The following PTPRN2 variants were observed in gnomAD, a reference collection of about 807,000 sequenced individuals.
PTPRN2 encodes protein tyrosine phosphatase receptor type N2.
In PTPRN2, 74 loss-of-function variants were observed where a neutral mutation model predicts 118.8. That is an observed-to-expected ratio of 0.62 (90% CI 0.52 to 0.76). The LOEUF is 0.76. PTPRN2 is among the 30% of genes least tolerant of loss of function. The pLI, the probability that PTPRN2 is intolerant of heterozygous loss-of-function variation, is 0.00. For synonymous variants in PTPRN2, 641 were observed against 608.0 expected, an observed-to-expected ratio of 1.05 and a Z score of -0.80; for missense variants, 1,481 against 1,394.4, an observed-to-expected ratio of 1.06 and a Z score of -0.99.
intron 5 of PTPRN2, among the ~76,000 whole-genome samples, chr7:158,174,513 A>G (rs572719347): frequency 2.0e-5 from 3 of 151,826 alleles, no homozygotes; most frequent in South Asian, 4.2e-4. Context: ...CACCATCATC[A>G]TCCACACCAT....
Position 157,729,769 on chromosome 7 carries a change from G to A in PTPRN2, c.1789-46832C>T, listed in dbSNP as rs1799790924. Among the ~76,000 whole-genome samples the A allele has an allele frequency of 6.6e-6, 1 of 152,216 alleles. No homozygotes were observed. Among genetic ancestry groups the A allele is most frequent in the South Asian group, 2.1e-4 (1 of 4,832 alleles). ...CACGCCTGGCAGAGATGGTGCCCAGGTAGTGACTGCACCACACCCATAAGG... is the reference window on the plus strand; with the variant it reads ...CACGCCTGGCAGAGATGGTGCCCAGATAGTGACTGCACCACACCCATAAGG... On this transcript the variant is annotated intron_variant, in intron 12 of 22. Transcript: ENST00000389418. The surrounding 1 kb of genome is among the most constrained non-coding windows in gnomAD (Gnocchi z 4.3).
chr7:158,440,700 G>A (rs1044869698), intron 2 of PTPRN2, among the ~76,000 whole-genome samples: 41 of 149,892 alleles, frequency 2.7e-4, no homozygotes, highest in Admixed American at 3.3e-4. Context: ...GATGGTGATA[G>A]GGGTGGATAG....
chr7:157,545,446 G>A (rs1251178260), intron 22 of PTPRN2, among the ~76,000 whole-genome samples: 2 of 149,646 alleles, frequency 1.3e-5, no homozygotes, highest in African/African-American at 4.9e-5. Context: ...GGTGTGTGCA[G>A]GTGTGTGGGT....
At chr7:158,274,002 A>AGG (rs1363924058) in intron 3 of PTPRN2, among the ~76,000 whole-genome samples, 1 of 103,040 alleles carries the variant, frequency 9.7e-6, no homozygotes, top group East Asian at 3.0e-4. Flanking sequence ...CCGCAGACAC[A>AGG]GGGAGCCGCA....
intron 4 of PTPRN2, among the ~76,000 whole-genome samples, chr7:158,204,542 T>TA (rs1826967548): frequency 1.3e-5 from 2 of 152,158 alleles, no homozygotes; most frequent in African/African-American, 4.8e-5. Context: ...ATGTTTTTTT[T>TA]TAAAAAACAT....
chr7:157,589,126 G>A (rs1800843510), intron 17 of PTPRN2, among the ~76,000 whole-genome samples: 1 of 152,066 alleles, frequency 6.6e-6, no homozygotes. Context: ...TCCCCTCCCT[G>A]AGCCCCTGGC....
intron 3 of PTPRN2, among the ~76,000 whole-genome samples, chr7:158,312,018 C>G (rs1801803988): frequency 6.6e-6 from 1 of 151,348 alleles, no homozygotes; most frequent in South Asian, 2.1e-4. Flanking sequence ...TGCACATTCA[C>G]ATGCTCACGT....
intron 11 of PTPRN2, among the ~76,000 whole-genome samples, chr7:158,040,239 G>A (rs1808354588): frequency 6.6e-6 from 1 of 152,122 alleles, no homozygotes; most frequent in African/African-American, 2.4e-5. Context: ...ATTAATGCCA[G>A]ACACCAAATC....
intron 9 of PTPRN2, among the ~76,000 whole-genome samples, chr7:158,111,138 C>G (rs1250264301): frequency 6.6e-6 from 1 of 152,188 alleles, no homozygotes; most frequent in Non-Finnish European, 1.5e-5. Context: ...AGTGGCCCAC[C>G]GTGTGGAGAC....
In PTPRN2 at chr7:158,509,110, G is replaced by GGA. The variant is rs370683601; in HGVS notation, c.113-19327_113-19326dup. Among the ~76,000 whole-genome samples the GGA allele has an allele frequency of 6.6e-6, 1 of 151,844 alleles. No homozygotes were observed. Among genetic ancestry groups the GGA allele is most frequent in the Non-Finnish European group, 1.5e-5 (1 of 67,966 alleles). On this transcript the variant is annotated intron_variant, in intron 1 of 22. Coordinates refer to ENST00000389418, the MANE Select transcript of PTPRN2 (RefSeq NM_002847.5). This position sits in a 1 kb window ranked among gnomAD's most constrained non-coding sequence, Gnocchi z 4.4. ...GAAGATGGGGACTGGGAGGGGAGAG[G>GGA]GAGAGAGAGAGCAGAAGGATGAGCT...
chr7:158,418,668 C>G (rs185015580), intron 2 of PTPRN2, among the ~76,000 whole-genome samples: 1 of 151,556 alleles, frequency 6.6e-6, no homozygotes, highest in Non-Finnish European at 1.5e-5. Context: ...CAGTGTCCCC[C>G]TGTGTTAAGT....
rs1033991591 is a variant in PTPRN2, at chr7:158,093,342, C to T, written c.1644-11965G>A. 1.3e-4 allele frequency among the ~76,000 whole-genome samples: 20 copies of T among 150,512 alleles called. No homozygotes were observed. The highest frequency in any genetic ancestry group is 4.4e-4 in the African/African-American group (18 of 40,744). ...CTGCACCGTCCTTTCCTGACTCTGC[C>T]GCTGGACCGACCCCCACACTGTGGA... On this transcript the variant is annotated intron_variant, in intron 10 of 22. Transcript: ENST00000389418. The surrounding 1 kb of genome is among the most constrained non-coding windows in gnomAD (Gnocchi z 4.4).
chr7:158,437,346 C>G (rs763474067), intron 2 of PTPRN2, among the ~76,000 whole-genome samples: 9 of 152,194 alleles, frequency 5.9e-5, no homozygotes, highest in Non-Finnish European at 1.0e-4. Flanking sequence ...TTTTCTTGAA[C>G]ATATCAACCA....
At chr7:158,087,899 GA>G (rs1813606229) in intron 10 of PTPRN2, among the ~76,000 whole-genome samples, 1 of 97,368 alleles carries the variant, frequency 1.0e-5, no homozygotes, top group African/African-American at 3.0e-5. Context: ...CCTGATGAAA[GA>G]GGGAGTCTTC....
intron 3 of PTPRN2, among the ~76,000 whole-genome samples, chr7:158,235,443 C>G (rs1290075351): frequency 1.3e-5 from 2 of 152,096 alleles, no homozygotes; most frequent in Admixed American, 1.3e-4. Context: ...GTCATAGGCA[C>G]CAACATGGGA....
At chr7:158,343,192 A>C (rs1457523729) in intron 2 of PTPRN2, among the ~76,000 whole-genome samples, 3 of 152,164 alleles carry the variant, frequency 2.0e-5, no homozygotes, top group Non-Finnish European at 4.4e-5. Context: ...TACATAAAGA[A>C]CCACAACTCG....
chr7:158,207,397 A>G (rs1347254442), intron 3 of PTPRN2, among the ~76,000 whole-genome samples: 1 of 152,138 alleles, frequency 6.6e-6, no homozygotes, highest in Non-Finnish European at 1.5e-5. Flanking sequence ...GACTTCCACA[A>G]TGGTTGAACT....
intron 11 of PTPRN2, among the ~76,000 whole-genome samples, chr7:158,005,374 G>A (rs776355444): frequency 1.3e-5 from 2 of 152,058 alleles, no homozygotes; most frequent in Non-Finnish European, 2.9e-5. Flanking sequence ...GCACCCAGTC[G>A]TGGTCACTCT....
chr7:158,371,924 C>T (rs966925956), intron 2 of PTPRN2, among the ~76,000 whole-genome samples: 1 of 152,224 alleles, frequency 6.6e-6, no homozygotes, highest in Admixed American at 6.5e-5. Context: ...AGATGAACCT[C>T]ACACAGCTGG....
Sources: gnomAD v4.1 joint callset for allele counts (sites outside exome capture counted in the v4.1 genomes callset) on GRCh38, gnomAD v4.1.1 for gene constraint, Gnocchi (gnomAD v3.1) non-coding constraint, MANE v1.5 for transcripts, NCBI Gene and HGNC (gene_info 2026-07-23, HGNC 2026-07-21) for gene names.